GIGYF2: variants seen among roughly 807,000 people sequenced by gnomAD.
The protein encoded by GIGYF2 is GRB10 interacting GYF protein 2.
In GIGYF2, 25 loss-of-function variants were observed where a neutral mutation model predicts 208.1. The observed-to-expected ratio is 0.12, with a 90% CI of 0.09 to 0.17. The LOEUF is 0.17. Among genes scored for constraint, GIGYF2 ranks in the 10% least tolerant of loss-of-function variants. The probability of loss-of-function intolerance (pLI) is 1.00; values close to 1 mark genes in which losing one functional copy is unlikely to be tolerated. For missense variants in GIGYF2, 1,302 were observed against 1,579.4 expected, an observed-to-expected ratio of 0.82 and a Z score of 2.98; for synonymous variants, 534 against 543.8, an observed-to-expected ratio of 0.98 and a Z score of 0.25.
chr2:232,810,217 G>A (rs981019324), intron 16 of GIGYF2: 35 of 180,300 alleles, frequency 1.9e-4, no homozygotes, highest in Non-Finnish European at 3.4e-4. Context: ...CGAACTCCCA[G>A]CCTCAAGTGA....
intron 2 of GIGYF2, among the ~76,000 whole-genome samples, chr2:232,732,068 CCTG>C: frequency 6.6e-6 from 1 of 152,306 alleles, no homozygotes; most frequent in Non-Finnish European, 1.5e-5. Flanking sequence ...ATAGAAGTCT[CCTG>C]CTTTCTTCCT....
chr2:232,819,814 CT>C lies in GIGYF2; in HGVS notation c.2371-7del. On this transcript the variant is annotated splice_polypyrimidine_tract_variant and intron_variant, in intron 20 of 28. Coordinates refer to ENST00000373563, the MANE Select transcript of GIGYF2 (RefSeq NM_001103146.3). ...CCCTCCCCCACCCCCCACCCTCCAT[CT>C]TTTTTCCTTAGGAAGAGGCTCTGCG... 6 of 581,424 alleles carry C rather than the reference CT, an allele frequency of 1.0e-5. No homozygotes were observed. The highest frequency in any genetic ancestry group is 8.4e-5 in the East Asian group (1 of 11,968). The allele number at this position is 581,424 out of a possible 1,614,324, so 36.0% of individuals were successfully genotyped here.
chr2:232,754,211 T>G (rs1362252946), intron 5 of GIGYF2, among the ~76,000 whole-genome samples: 1 of 152,106 alleles, frequency 6.6e-6, no homozygotes, highest in Non-Finnish European at 1.5e-5. Flanking sequence ...CATTTTTTTT[T>G]TAATCAGCAG....
At chr2:232,821,333 G>T (rs1559456963) in intron 21 of GIGYF2, among the ~76,000 whole-genome samples, 1 of 152,174 alleles carries the variant, frequency 6.6e-6, no homozygotes. Flanking sequence ...CCGAGTAGCT[G>T]GGACTACAGG....
chr2:232,832,730 C>T lies in GIGYF2; in HGVS notation c.2530-127C>T, dbSNP rs145468988. 5,710 of 705,964 alleles carry T rather than the reference C, an allele frequency of 8.1e-3. 147 individuals are homozygous for T. Among genetic ancestry groups the T allele is most frequent in the Admixed American group, 0.064 (2,353 of 37,032 alleles). 43.7% of individuals were successfully genotyped at this position (705,964 alleles called of 1,614,324 possible). On this transcript the variant is annotated intron_variant, in intron 21 of 28. Transcript: ENST00000373563. ...AAAGGTTACTTCTACCTTGCATCAT[C>T]ATGAACAGAGTTTCTGCTTTCTCTG...
At chr2:232,812,923 C>T (rs1005343626) in intron 18 of GIGYF2, among the ~76,000 whole-genome samples, 3 of 151,748 alleles carry the variant, frequency 2.0e-5, no homozygotes, top group Non-Finnish European at 2.9e-5. Context: ...ATTACTTGAG[C>T]CCAGGAGTTC....
chr2:232,782,723 C>G (rs1247003512), intron 8 of GIGYF2: 1 of 152,208 alleles, frequency 6.6e-6, no homozygotes, highest in Admixed American at 6.5e-5. Context: ...TAGCATGGCC[C>G]CTGTGCAAGG....
chr2:232,723,432 C>CTTTTTTTTTTT (rs371379851), intron 2 of GIGYF2, among the ~76,000 whole-genome samples: 1 of 135,110 alleles, frequency 7.4e-6, no homozygotes. Flanking sequence ...CTTTTCTTTT[C>CTTTTTTTTTTT]TTTTTTTTTT....
intron 26 of GIGYF2, among the ~76,000 whole-genome samples, chr2:232,846,156 C>T (rs1701997227): frequency 6.6e-6 from 1 of 152,090 alleles, no homozygotes; most frequent in Non-Finnish European, 1.5e-5. Flanking sequence ...GGTCTTAGTT[C>T]CATACTGTTC....
chr2:232,855,661 G>C (rs1235240520), intron 28 of GIGYF2, among the ~76,000 whole-genome samples: 2 of 152,158 alleles, frequency 1.3e-5, no homozygotes, highest in African/African-American at 4.8e-5. Context: ...TAAAGTTTTT[G>C]ACTGGTGGGA....
At chr2:232,793,622 G>A (rs1700137184) in intron 12 of GIGYF2, among the ~76,000 whole-genome samples, 1 of 152,130 alleles carries the variant, frequency 6.6e-6, no homozygotes, top group Non-Finnish European at 1.5e-5. Flanking sequence ...GTGAATGAGG[G>A]ACTGTAGCTA....
chr2:232,751,473 T>C (rs1698336001), intron 5 of GIGYF2, among the ~76,000 whole-genome samples: 2 of 152,180 alleles, frequency 1.3e-5, no homozygotes, highest in South Asian at 4.1e-4. Context: ...TGCCTTGGCC[T>C]CCCGAAGTTC....
chr2:232,806,828 C>A lies in GIGYF2; in HGVS notation c.1806+171C>A, dbSNP rs1228106963. On this transcript the variant is annotated intron_variant, in intron 15 of 28. Coordinates refer to ENST00000373563, the MANE Select transcript of GIGYF2 (RefSeq NM_001103146.3). The surrounding 1 kb of genome is among the most constrained non-coding windows in gnomAD (Gnocchi z 4.0). Reference sequence around the variant, plus strand: ...AGACTGAATACTTAGCTATAATGATCTTTTCAAAACTCGAATAACCTGTGC... The same window carrying A: ...AGACTGAATACTTAGCTATAATGATATTTTCAAAACTCGAATAACCTGTGC... 6.7e-6 allele frequency among the ~76,000 whole-genome samples: 1 copy of A among 148,874 alleles called. No homozygotes were observed. The highest frequency in any genetic ancestry group is 2.4e-5 in the African/African-American group (1 of 41,216).
At chr2:232,851,413 A>ATTTTTTTTTTTTT (rs5839451) in intron 28 of GIGYF2, among the ~76,000 whole-genome samples, 2 of 149,084 alleles carry the variant, frequency 1.3e-5, no homozygotes, top group Non-Finnish European at 1.5e-5. Context: ...TGAAACTAAC[A>ATTTTTTTTTTTTT]TTTTTTTTTT....
intron 12 of GIGYF2, among the ~76,000 whole-genome samples, chr2:232,794,412 C>T (rs1378976844): frequency 1.3e-5 from 2 of 152,166 alleles, no homozygotes; most frequent in African/African-American, 2.4e-5. Context: ...GCATTGTTAA[C>T]TTTTACAATT....
At chr2:232,704,353 G>A (rs1295474971) in intron 2 of GIGYF2, among the ~76,000 whole-genome samples, 1 of 152,146 alleles carries the variant, frequency 6.6e-6, no homozygotes, top group African/African-American at 2.4e-5. Context: ...GGTGAACGAG[G>A]CCAGTAGGTC....
intron 2 of GIGYF2, among the ~76,000 whole-genome samples, chr2:232,709,056 A>G (rs1452235429): frequency 6.6e-6 from 1 of 151,796 alleles, no homozygotes; most frequent in Non-Finnish European, 1.5e-5. Flanking sequence ...TGGGAGGTGG[A>G]GGTTGCAGTG....
Position 232,839,856 on chromosome 2 carries a change from C to A in GIGYF2, c.2774C>A (p.Ser925Tyr), listed in dbSNP as rs1296699579. ...CCTTCCCTTTTTTGTTAGCTTCCTTCTTCTTCAACGTGGGGCCAGCAGTCC... is the reference window on the plus strand; with the variant it reads ...CCTTCCCTTTTTTGTTAGCTTCCTTATTCTTCAACGTGGGGCCAGCAGTCC... ...QQQLAQMKLPSSSTWGQQSNT... is the reference protein window; with the variant it reads ...QQQLAQMKLPYSSTWGQQSNT... Residue 925 changes from serine (S) to tyrosine (Y), a missense_variant, in exon 23 of 29, where the codon TCT becomes TAT. By Grantham distance (144) the Ser-to-Tyr change is moderately radical. Transcript: ENST00000373563. The A allele has an allele frequency of 2.5e-6, 4 of 1,613,974 alleles. No individual in the cohort carries two copies. Among genetic ancestry groups the A allele is most frequent in the East Asian group, 2.2e-5 (1 of 44,888 alleles).
chr2:232,768,529 G>A lies in GIGYF2; in HGVS notation c.532+7093G>A, dbSNP rs201555149. 6.2e-6 allele frequency: 10 copies of A among 1,613,998 alleles called. No individual in the cohort carries two copies. Among genetic ancestry groups the A allele is most frequent in the East Asian group, 4.5e-5 (2 of 44,888 alleles). Reference sequence around the variant, plus strand: ...AGCAGAGTAGCCAGAGGACTTGATGGTGTAATGGAGTGATAGTACGTTAGT... The same window carrying A: ...AGCAGAGTAGCCAGAGGACTTGATGATGTAATGGAGTGATAGTACGTTAGT... On this transcript the variant is annotated intron_variant, in intron 8 of 28. Transcript: ENST00000373563.
Sources: gnomAD v4.1 joint callset for allele counts (sites outside exome capture counted in the v4.1 genomes callset) on GRCh38, gnomAD v4.1.1 for gene constraint, Gnocchi (gnomAD v3.1) non-coding constraint, MANE v1.5 for transcripts, NCBI Gene and HGNC (gene_info 2026-07-23, HGNC 2026-07-21) for gene names.